The following CREB3L2 variants were observed in gnomAD, a reference collection of about 807,000 sequenced individuals.
CREB3L2 encodes cyclic AMP-responsive element-binding protein 3-like protein 2.
CREB3L2 carries 23 observed loss-of-function variants against 57.2 expected under a neutral mutation model. The ratio of observed to expected loss-of-function variants is 0.40; its 90% CI spans 0.29 to 0.57. CREB3L2 has a LOEUF of 0.57. CREB3L2 is among the 20% of genes least tolerant of loss of function. The pLI, the probability that CREB3L2 is intolerant of heterozygous loss-of-function variation, is 0.42. For synonymous variants in CREB3L2, 268 were observed against 265.1 expected (o/e 1.01, Z -0.11); for missense variants, 628 against 634.7 (o/e 0.99, Z 0.11).
intron 1 of CREB3L2, among the ~76,000 whole-genome samples, chr7:137,971,583 T>C (rs1475391963): frequency 1.3e-5 from 2 of 152,082 alleles, no homozygotes; most frequent in East Asian, 3.9e-4. Flanking sequence ...CACCGGTCCT[T>C]ACTCTCTGCA....
At chr7:137,965,354 C>T (rs926314369) in intron 1 of CREB3L2, among the ~76,000 whole-genome samples, 4 of 152,136 alleles carry the variant, frequency 2.6e-5, no homozygotes, top group Non-Finnish European at 5.9e-5. Context: ...TTGAGGAAAA[C>T]ATGGCCAAAA....
intron 1 of CREB3L2, among the ~76,000 whole-genome samples, chr7:137,963,017 C>T (rs922130378): frequency 6.6e-6 from 1 of 152,226 alleles, no homozygotes; most frequent in Non-Finnish European, 1.5e-5. Context: ...AGCAGTCCCT[C>T]TCAGCTTTGG....
At chr7:137,971,356 A>G (rs1420184448) in intron 1 of CREB3L2, among the ~76,000 whole-genome samples, 2 of 151,948 alleles carry the variant, frequency 1.3e-5, no homozygotes, top group Admixed American at 1.3e-4. Context: ...AGGGTGAGGC[A>G]GGAGAATGGC....
intron 1 of CREB3L2, among the ~76,000 whole-genome samples, chr7:137,944,317 C>A (rs975237511): frequency 6.6e-6 from 1 of 152,142 alleles, no homozygotes; most frequent in African/African-American, 2.4e-5. Flanking sequence ...TGTCTGCAAA[C>A]GCACAGTAAA....
intron 1 of CREB3L2, chr7:137,957,604 C>A: frequency 2.5e-6 from 1 of 400,464 alleles, no homozygotes; most frequent in Non-Finnish European, 4.5e-6. Context: ...CCCAGCCCCT[C>A]AACTAGTAAA....
intron 1 of CREB3L2, among the ~76,000 whole-genome samples, chr7:137,978,729 G>A (rs987510160): frequency 6.6e-6 from 1 of 152,160 alleles, no homozygotes; most frequent in Non-Finnish European, 1.5e-5. Context: ...TCCTGACTAG[G>A]GCAGTAGTGA....
rs541365227 is a variant in CREB3L2, at chr7:137,884,999, G to A, written c.1266C>T (p.Ser422=). The part of the protein sequence containing the change: ...QHSLQEPYTA[S]VVRSRNLLIY... ...ACTTGCCACATGCTGTCTTACCCAC[G>A]GAGGCTGTGTAGGGCTCCTGCAGGG... The change falls in exon 10 of 12, where the codon TCC becomes TCT. Residue 422 remains serine (S), a synonymous_variant. Coordinates refer to ENST00000330387, the MANE Select transcript of CREB3L2 (RefSeq NM_194071.4). The A allele has an allele frequency of 1.1e-4, 172 of 1,614,178 alleles. 2 individuals carry two copies. Among genetic ancestry groups the A allele is most frequent in the South Asian group, 7.8e-4 (71 of 91,086 alleles).
chr7:137,946,702 C>T (rs1800982889), intron 1 of CREB3L2, among the ~76,000 whole-genome samples: 2 of 146,880 alleles, frequency 1.4e-5, no homozygotes, highest in South Asian at 4.2e-4. Context: ...GCTGTCCATA[C>T]ATTTTTATAT....
rs79271491 is a variant in CREB3L2, at chr7:137,932,800, C to T, written c.103-4434G>A. 9.2e-5 allele frequency among the ~76,000 whole-genome samples: 14 copies of T among 152,316 alleles called. No individual in the cohort carries two copies. The East Asian group carries it at 9.6e-4, about 10-fold the overall frequency. On this transcript the variant is annotated intron_variant, in intron 1 of 11. Transcript: ENST00000330387. ...TACTGTGTGTTAAACTTCAGACAGA[C>T]GCTGGGGATACAAAATAATAAATAA...
At chr7:138,000,979 C>CT (rs1165034985) in intron 1 of CREB3L2, among the ~76,000 whole-genome samples, 1 of 152,056 alleles carries the variant, frequency 6.6e-6, no homozygotes, top group Non-Finnish European at 1.5e-5. Flanking sequence ...CCATACTCCT[C>CT]TGCTGGTTTT....
chr7:137,989,829 T>C (rs545052061), intron 1 of CREB3L2, among the ~76,000 whole-genome samples: 39 of 152,202 alleles, frequency 2.6e-4, no homozygotes, highest in African/African-American at 8.2e-4. Context: ...AACTCAGCCT[T>C]CCAAGCCAGA....
rs1800526331 is a variant in CREB3L2, at chr7:137,928,268, T to C, written c.201A>G (p.Glu67=). The change falls in exon 2 of 12, where the codon GAA becomes GAG. Residue 67 remains glutamate (E), a synonymous_variant. Transcript: ENST00000330387. ...LSEKSVSMEV[E]PSPTSPAPLI... ...GAGGCGCCGGGGACGTCGGGGAAGG[T>C]TCCACCTCCATTGACACACTCTTCT... 2 of 1,613,870 alleles carry C rather than the reference T, an allele frequency of 1.2e-6. No individual in the cohort carries two copies. Among genetic ancestry groups the C allele is most frequent in the East Asian group, 4.5e-5 (2 of 44,840 alleles).
chr7:137,922,588 A>C (rs1334638942), intron 2 of CREB3L2: 1 of 439,790 alleles, frequency 2.3e-6, no homozygotes, highest in Admixed American at 2.4e-5. Context: ...ACTACCACTT[A>C]CATGAGAAAA....
intron 1 of CREB3L2, among the ~76,000 whole-genome samples, chr7:137,973,491 T>G (rs1801554180): frequency 6.6e-6 from 1 of 152,154 alleles, no homozygotes; most frequent in Non-Finnish European, 1.5e-5. Context: ...TAGAGTGAGT[T>G]GGAGTCTGCT....
chr7:137,988,969 AAGGG>A (rs1414645638), intron 1 of CREB3L2, among the ~76,000 whole-genome samples: 11 of 144,526 alleles, frequency 7.6e-5, no homozygotes, highest in East Asian at 7.0e-4. Context: ...AAAAGGAAGG[AAGGG>A]AGGGAGGGAG....
chr7:137,980,860 C>T lies in CREB3L2; in HGVS notation c.102+20744G>A, dbSNP rs1801700216. Among the ~76,000 whole-genome samples the T allele has an allele frequency of 6.6e-6, 1 of 152,178 alleles. No individual in the cohort carries two copies. Among genetic ancestry groups the T allele is most frequent in the Non-Finnish European group, 1.5e-5 (1 of 68,032 alleles). ...CCTGCTCTTTACTGATGCACTGGCC[C>T]CTGTTCCTCCACAATGTGACCCCCC... On this transcript the variant is annotated intron_variant, in intron 1 of 11. Coordinates refer to ENST00000330387, the MANE Select transcript of CREB3L2 (RefSeq NM_194071.4). This position sits in a 1 kb window ranked among gnomAD's most constrained non-coding sequence, Gnocchi z 4.3.
intron 6 of CREB3L2, 42 bp downstream of exon 6, chr7:137,905,660 G>A: frequency 6.2e-7 from 1 of 1,606,812 alleles, no homozygotes; most frequent in Non-Finnish European, 8.5e-7. Context: ...ACTCGATTCT[G>A]CTCGTCTCTG....
At chr7:137,961,987 G>A (rs1300632995) in intron 1 of CREB3L2, among the ~76,000 whole-genome samples, 2 of 152,006 alleles carry the variant, frequency 1.3e-5, no homozygotes, top group African/African-American at 4.8e-5. Context: ...CATGAACCCA[G>A]CCTCCACTTC....
At chr7:137,907,916 AT>A (rs1388669293) in intron 5 of CREB3L2, among the ~76,000 whole-genome samples, 3 of 152,254 alleles carry the variant, frequency 2.0e-5, no homozygotes, top group Non-Finnish European at 4.4e-5. Context: ...CACAAGGACC[AT>A]TAAATTAATG....
Sources: gnomAD v4.1 joint callset for allele counts (sites outside exome capture counted in the v4.1 genomes callset) on GRCh38, gnomAD v4.1.1 for gene constraint, Gnocchi (gnomAD v3.1) non-coding constraint, MANE v1.5 for transcripts, NCBI Gene and HGNC (gene_info 2026-07-23, HGNC 2026-07-21) for gene names.